SLC17A2: variants seen among roughly 807,000 people sequenced by gnomAD.
The protein encoded by SLC17A2 is solute carrier family 17 member 2, also known as sodium-dependent phosphate transport protein 3.
SLC17A2 carries 38 observed loss-of-function variants against 52.1 expected under a neutral mutation model. The observed-to-expected ratio is 0.73, with a 90% confidence interval of 0.56 to 0.96. SLC17A2 has a LOEUF of 0.96. Ranked by LOEUF, SLC17A2 falls within the 40% of genes least tolerant of loss-of-function variation. The pLI is 0.00. For synonymous variants in SLC17A2, 226 were observed against 211.9 expected (o/e 1.07, Z -0.58); for missense variants, 508 against 583.9 (o/e 0.87, Z 1.34).
chr6:25,917,063 A>G lies in SLC17A2; in HGVS notation c.674T>C (p.Leu225Pro), dbSNP rs1316035399. ...ATCATAAATCACTGTGAACCATAGGAGACAGCAGACACAGCCAGTGCTACC... is the reference window on the plus strand; with the variant it reads ...ATCATAAATCACTGTGAACCATAGGGGACAGCAGACACAGCCAGTGCTACC... ...IFGSTGCVCCLLWFTVIYDDP... is the reference protein window; with the variant it reads ...IFGSTGCVCCPLWFTVIYDDP... Residue 225 changes from leucine (L) to proline (P), a missense_variant, in exon 7 of 12, where the codon CTC (leucine) becomes CCC (proline). Physicochemically the swap from Leu to Pro is moderately conservative, Grantham distance 98. Transcript: ENST00000377850. 3 of 1,614,080 alleles carry G rather than the reference A, an allele frequency of 1.9e-6. No homozygotes were observed. The East Asian group carries it at 6.7e-5, about 36-fold the overall frequency.
intron 1 of SLC17A2, among the ~76,000 whole-genome samples, chr6:25,928,470 T>C (rs899937838): frequency 6.6e-6 from 1 of 152,206 alleles, no homozygotes; most frequent in Admixed American, 6.5e-5. Context: ...CCCATCACTT[T>C]AGTTTTTCTT....
intron 2 of SLC17A2, among the ~76,000 whole-genome samples, chr6:25,924,313 T>C (rs1766673454): frequency 6.6e-6 from 1 of 152,190 alleles, no homozygotes; most frequent in African/African-American, 2.4e-5. Flanking sequence ...TGCACATTTG[T>C]TTATCACAAA....
In SLC17A2 at chr6:25,915,948, A is replaced by C. The variant is rs75357710; in HGVS notation, c.931-80T>G. 11,183 of 1,370,040 alleles carry C rather than the reference A, an allele frequency of 8.2e-3. 227 individuals are homozygous for C. Among genetic ancestry groups the C allele is most frequent in the African/African-American group, 0.073 (4,990 of 68,766 alleles). 84.9% of individuals were successfully genotyped at this position (1,370,040 alleles called of 1,614,324 possible). A position where few individuals can be genotyped will look rare whatever the true frequency, so the allele number is the denominator to read the frequency against. On this transcript the variant is annotated intron_variant, in intron 8 of 11. Transcript: ENST00000377850. ...TTGTCAGTTACACAGACCAGCCATT[A>C]ACTTACCCCCATGATACTGTGGGTT...
chr6:25,913,480 A>C (rs1384096994), intron 11 of SLC17A2, 29 bp from the exon 12 acceptor site: 2 of 1,610,354 alleles, frequency 1.2e-6, no homozygotes. Flanking sequence ...GAAAATGATC[A>C]ATCTCACAAG....
intron 3 of SLC17A2, among the ~76,000 whole-genome samples, chr6:25,923,286 G>T (rs1282783510): frequency 6.6e-6 from 1 of 152,146 alleles, no homozygotes; most frequent in Non-Finnish European, 1.5e-5. Context: ...AAATTTATTT[G>T]CAAAGCTATG....
chr6:25,928,185 G>T (rs1766830042), intron 1 of SLC17A2, among the ~76,000 whole-genome samples: 1 of 151,962 alleles, frequency 6.6e-6, no homozygotes, highest in Non-Finnish European at 1.5e-5. Context: ...GCCAGCACCA[G>T]ATCCCCTAAT....
Position 25,915,531 on chromosome 6 carries a change from C to A in SLC17A2, c.1179G>T (p.Gly393=). 2 of 1,563,622 alleles carry A rather than the reference C, an allele frequency of 1.3e-6. No homozygotes were observed. Among genetic ancestry groups the A allele is most frequent in the South Asian group, 1.2e-5 (1 of 85,354 alleles). Residue 393 remains glycine, a synonymous_variant, in exon 10 of 12, where the codon GGG becomes GGT. Transcript: ENST00000377850. The part of the protein sequence containing the change: ...IPGTSNLCDS[G]FIINTLDIAP... ...CGATATCTAAGGTGTTGATGATAAA[C>A]CCTGAGTCACATAGGTTACTGGTCC...
chr6:25,913,230 A>C lies in SLC17A2; in HGVS notation c.*87T>G, dbSNP rs1462812433. The C allele has an allele frequency of 5.6e-6, 8 of 1,420,050 alleles. No individual in the cohort carries two copies. The highest frequency in any genetic ancestry group is 1.8e-4 in the Middle Eastern group (1 of 5,664). The allele number at this position is 1,420,050 out of a possible 1,614,324, so 88.0% of individuals were successfully genotyped here. A position where few individuals can be genotyped will look rare whatever the true frequency, so the allele number is the denominator to read the frequency against. ...ACACAGCCAGAGTTAAGAACTGCTG[A>C]GTCTATGGTCAGGAATATGGAGAGA... On this transcript the variant is annotated 3_prime_UTR_variant, in exon 12 of 12. Coordinates refer to ENST00000377850, the MANE Select transcript of SLC17A2 (RefSeq NM_001286123.3).
At chr6:25,919,371 C>A (rs1490603143) in intron 5 of SLC17A2, among the ~76,000 whole-genome samples, 2 of 151,708 alleles carry the variant, frequency 1.3e-5, no homozygotes, top group African/African-American at 4.8e-5. Context: ...CTACAATGTA[C>A]GTGGAAGTAT....
intron 1 of SLC17A2, among the ~76,000 whole-genome samples, chr6:25,928,169 C>T (rs77146789): frequency 6.6e-6 from 1 of 152,082 alleles, no homozygotes; most frequent in African/African-American, 2.4e-5. Context: ...CCACATGATG[C>T]ACAGAGCCAG....
Position 25,916,618 on chromosome 6 carries a change from G to A in SLC17A2, c.930+67C>T, listed in dbSNP as rs149156023. ...TTATATGTAAAGCCAGAATGTAATA[G>A]GTAACACAGAACTGTTTCTCCTTAT... On this transcript the variant is annotated intron_variant, in intron 8 of 11. Transcript: ENST00000377850. The A allele has an allele frequency of 4.9e-4, 643 of 1,314,040 alleles. 1 individual carries two copies. In the African/African-American group the frequency reaches 7.3e-3, roughly 15 times the overall value. 81.4% of individuals were successfully genotyped at this position (1,314,040 alleles called of 1,614,324 possible). A position where few individuals can be genotyped will look rare whatever the true frequency, so the allele number is the denominator to read the frequency against.
At chr6:25,915,149 G>GCA (rs1554137784) in intron 10 of SLC17A2, among the ~76,000 whole-genome samples, 1 of 57,850 alleles carries the variant, frequency 1.7e-5, no homozygotes. Context: ...TATTGTGACT[G>GCA]TATATATATA....
Position 25,916,767 on chromosome 6 carries a change from A to T in SLC17A2, c.848T>A (p.Phe283Tyr). Reference sequence around the variant, plus strand: ...GATGGTGCACAACCAGAAATGGCTGAAAAAACCCAGGAAAATGGCCCAAAG... The same window carrying T: ...GATGGTGCACAACCAGAAATGGCTGTAAAAACCCAGGAAAATGGCCCAAAG... ...LPLWAIFLGF[F>Y]SHFWLCTIIL... Residue 283 changes from phenylalanine to tyrosine, a missense_variant, in exon 8 of 12, where the codon TTC becomes TAC. Coordinates refer to ENST00000377850, the MANE Select transcript of SLC17A2 (RefSeq NM_001286123.3). 1 of 1,614,062 alleles carries T rather than the reference A, an allele frequency of 6.2e-7. No homozygotes were observed. The highest frequency in any genetic ancestry group is 1.1e-5 in the South Asian group (1 of 91,076).
At position 25,913,214 on chromosome 6, in the gene SLC17A2, G is replaced by A; in HGVS notation, c.*103C>T. ...CCCAGGGAAGACTAACACACAGCCA[G>A]AGTTAAGAACTGCTGAGTCTATGGT... On this transcript the variant is annotated 3_prime_UTR_variant, in exon 12 of 12. Transcript: ENST00000377850. 8.0e-7 allele frequency: 1 copy of A among 1,250,954 alleles called. No homozygotes were observed. The highest frequency in any genetic ancestry group is 1.2e-6 in the Non-Finnish European group (1 of 859,422). The allele number at this position is 1,250,954 out of a possible 1,614,324, so 77.5% of individuals were successfully genotyped here. A position where few individuals can be genotyped will look rare whatever the true frequency, so the allele number is the denominator to read the frequency against.
chr6:25,915,913 G>C, intron 8 of SLC17A2, 45 bp from the exon 9 acceptor site: 1 of 1,586,108 alleles, frequency 6.3e-7, no homozygotes, highest in South Asian at 1.1e-5. Flanking sequence ...AGATACGTTA[G>C]CACCAAAATT....
rs766352177 is a variant in SLC17A2 at position 25,919,699 on chromosome 6, C to CAAAA, written c.563-1130_563-1127dup. ...TGGGCGAAAGAGTGAGACACCGTCT[C>CAAAA]AAAAAAAAAAAAAAAAAAAAAAAAA... On this transcript the variant is annotated intron_variant, in intron 5 of 11. Transcript: ENST00000377850. 1.7e-3 allele frequency among the ~76,000 whole-genome samples: 53 copies of CAAAA among 31,136 alleles called. 3 individuals carry two copies. Among genetic ancestry groups the CAAAA allele is most frequent in the African/African-American group, 4.6e-3 (46 of 10,066 alleles). 20.4% of individuals were successfully genotyped at this position (31,136 alleles called of 152,430 possible).
intron 6 of SLC17A2, among the ~76,000 whole-genome samples, chr6:25,917,483 A>G (rs1766371607): frequency 6.6e-6 from 1 of 152,232 alleles, no homozygotes; most frequent in South Asian, 2.1e-4. Flanking sequence ...ACACGAAACA[A>G]CCTTCCATGA....
chr6:25,924,242 A>G (rs977932141), intron 2 of SLC17A2, among the ~76,000 whole-genome samples: 2 of 152,214 alleles, frequency 1.3e-5, no homozygotes, highest in Non-Finnish European at 2.9e-5. Context: ...AGAGCCAGTC[A>G]CATAACCTTC....
intron 6 of SLC17A2, among the ~76,000 whole-genome samples, chr6:25,918,186 T>A (rs1766400160): frequency 6.6e-6 from 1 of 152,200 alleles, no homozygotes; most frequent in Non-Finnish European, 1.5e-5. Context: ...ACTTCAGATG[T>A]GGTGGTAGAG....
Sources: allele counts gnomAD v4.1 joint callset (sites outside exome capture counted in the v4.1 genomes callset), GRCh38; gene constraint gnomAD v4.1.1; transcripts MANE v1.5; gene names NCBI Gene and HGNC (gene_info 2026-07-23, HGNC 2026-07-21).